The following TUBA4B variants were observed in gnomAD, a reference collection of about 807,000 sequenced individuals.
The protein encoded by TUBA4B is tubulin alpha 4b.
In TUBA4B, 13 loss-of-function variants were observed where a neutral mutation model predicts 18.4. That is an observed-to-expected ratio of 0.71 (90% confidence interval 0.46 to 1.12). The LOEUF (loss-of-function observed/expected upper bound fraction) is 1.12, where lower values mean the gene tolerates loss of function less well. TUBA4B is among the 50% of genes most tolerant of loss of function. The pLI, the probability that TUBA4B is intolerant of heterozygous loss-of-function variation, is 0.00. For synonymous variants in TUBA4B, 101 were observed against 99.1 expected, an observed-to-expected ratio of 1.02 and a Z score of -0.11; for missense variants, 244 against 250.0, an observed-to-expected ratio of 0.98 and a Z score of 0.16.
intron 1 of TUBA4B, among the ~76,000 whole-genome samples, chr2:219,259,401 TTG>T (rs1320090991): frequency 2.8e-5 from 4 of 143,786 alleles, no homozygotes; most frequent in Admixed American, 1.3e-4. Context: ...GTGTGTGTGT[TTG>T]TGTGTGTGTG....
rs764691288 is a variant in TUBA4B at position 219,253,440 on chromosome 2, T to C, written c.12+21T>C. The C allele has an allele frequency of 2.7e-5, 41 of 1,495,334 alleles. No homozygotes were observed. In the African/African-American group the frequency reaches 5.1e-4, roughly 19 times the overall value. The allele number at this position is 1,495,334 out of a possible 1,614,324, so 92.6% of individuals were successfully genotyped here. On this transcript the variant is annotated intron_variant, in intron 1 of 3. Transcript: ENST00000490341. ...ACCAGGTAACCTGACCCCTTCCACC[T>C]TCTAGCGCCAAGCACGTGCTCGGTC...
chr2:219,266,859 TG>T (rs1322381415), intron 2 of TUBA4B, among the ~76,000 whole-genome samples: 1 of 151,644 alleles, frequency 6.6e-6, no homozygotes, highest in African/African-American at 2.4e-5. Flanking sequence ...GTGGGGAGTG[TG>T]GGGGAAGCAG....
chr2:219,255,403 T>C (rs555759806), intron 1 of TUBA4B, among the ~76,000 whole-genome samples: 1 of 152,286 alleles, frequency 6.6e-6, no homozygotes, highest in Non-Finnish European at 1.5e-5. Flanking sequence ...TGGATGATTT[T>C]TGTATTTTTA....
intron 2 of TUBA4B, among the ~76,000 whole-genome samples, chr2:219,269,309 A>C (rs985011201): frequency 3.9e-5 from 6 of 152,220 alleles, no homozygotes; most frequent in African/African-American, 1.4e-4. Flanking sequence ...TGGTGGGTAG[A>C]TTATCTTGCA....
intron 1 of TUBA4B, among the ~76,000 whole-genome samples, chr2:219,257,043 CTTTTT>C (rs368841707): frequency 1.9e-5 from 2 of 107,586 alleles, no homozygotes; most frequent in East Asian, 2.9e-4. Context: ...CCCATTTTGG[CTTTTT>C]TTTTTTTTTT....
intron 1 of TUBA4B, 35 bp downstream of exon 1, chr2:219,253,454 A>C: frequency 6.8e-7 from 1 of 1,461,058 alleles, no homozygotes; most frequent in Non-Finnish European, 9.3e-7. Context: ...AGCGCCAAGC[A>C]CGTGCTCGGT....
intron 1 of TUBA4B, among the ~76,000 whole-genome samples, chr2:219,256,248 A>C (rs766565667): frequency 6.6e-6 from 1 of 152,254 alleles, no homozygotes; most frequent in Non-Finnish European, 1.5e-5. Context: ...ATGAATTTAG[A>C]GATGTACATA....
At chr2:219,257,447 C>T (rs1267858191) in intron 1 of TUBA4B, among the ~76,000 whole-genome samples, 3 of 148,094 alleles carry the variant, frequency 2.0e-5, no homozygotes, top group Non-Finnish European at 4.5e-5. Flanking sequence ...TCAAGACCAG[C>T]CTGACCAACA....
intron 1 of TUBA4B, among the ~76,000 whole-genome samples, chr2:219,257,137 G>A (rs552912159): frequency 2.1e-5 from 3 of 140,686 alleles, no homozygotes; most frequent in Admixed American, 7.7e-5. Flanking sequence ...TCCACCTCCC[G>A]GGTTCAAGCA....
chr2:219,270,161 G>A, intron 2 of TUBA4B, 41 bp from the exon 3 acceptor site: 1 of 701,554 alleles, frequency 1.4e-6, no homozygotes, highest in Non-Finnish European at 2.6e-6. Context: ...AAAGGGAGGT[G>A]GGGCCCAAAA....
intron 2 of TUBA4B, among the ~76,000 whole-genome samples, chr2:219,268,619 C>G (rs991159876): frequency 1.3e-5 from 2 of 152,028 alleles, no homozygotes; most frequent in Non-Finnish European, 2.9e-5. Flanking sequence ...TTGCTCAAGA[C>G]AAGTAGAGAA....
chr2:219,253,354 C>G lies in TUBA4B; in HGVS notation c.-54C>G, dbSNP rs1192818040. ...AGCTCAGACGCGGGGTGCTGAGTCA[C>G]GGGGGGGGGGTGGTTCTGTGGATAG... On this transcript the variant is annotated 5_prime_UTR_variant, in exon 1 of 4. Coordinates refer to ENST00000490341, the MANE Select transcript of TUBA4B (RefSeq NM_001355221.1). 7.7e-6 allele frequency: 10 copies of G among 1,302,716 alleles called. No homozygotes were observed. Among genetic ancestry groups the G allele is most frequent in the South Asian group, 2.7e-5 (2 of 73,030 alleles). The allele number at this position is 1,302,716 out of a possible 1,614,324, so 80.7% of individuals were successfully genotyped here. A position where few individuals can be genotyped will look rare whatever the true frequency, so the allele number is the denominator to read the frequency against.
chr2:219,269,391 G>T (rs1951811160), intron 2 of TUBA4B, among the ~76,000 whole-genome samples: 1 of 152,102 alleles, frequency 6.6e-6, no homozygotes, highest in Non-Finnish European at 1.5e-5. Flanking sequence ...ATAATCTCAG[G>T]ACTGCCCGCA....
Position 219,271,662 on chromosome 2 carries a change from T to C in TUBA4B, c.689T>C (p.Leu230Ser), listed in dbSNP as rs533362502. Reference sequence around the variant, plus strand: ...ACGAGCAGCTGTTGGTGGCAGAGATTACCAATGCCTGCTTTGAGCCTGCCA... The same window carrying C: ...ACGAGCAGCTGTTGGTGGCAGAGATCACCAATGCCTGCTTTGAGCCTGCCA... ...YTTSSCWWQRLPMPALSLPTR... is the reference protein window; with the variant it reads ...YTTSSCWWQRSPMPALSLPTR... Residue 230 changes from leucine (L) to serine (S), a missense_variant, in exon 4 of 4, where the codon TTA becomes TCA. Leu to Ser is a moderately radical substitution (Grantham distance 145, BLOSUM62 -2). Transcript: ENST00000490341. 134 of 1,613,788 alleles carry C rather than the reference T, an allele frequency of 8.3e-5. No individual in the cohort carries two copies. The highest frequency in any genetic ancestry group is 1.7e-4 in the Admixed American group (10 of 60,026).
intron 1 of TUBA4B, among the ~76,000 whole-genome samples, chr2:219,264,089 C>A (rs557764701): frequency 2.6e-5 from 4 of 152,128 alleles, no homozygotes; most frequent in Non-Finnish European, 5.9e-5. Context: ...TAGTACTGAA[C>A]CTTATGTACT....
At chr2:219,260,522 T>C (rs6723310) in intron 1 of TUBA4B, among the ~76,000 whole-genome samples, 11,557 of 152,224 alleles carry the variant, frequency 0.076, 1,103 homozygotes, top group African/African-American at 0.22. Flanking sequence ...GACTAATTGC[T>C]TTCTTGACAT....
chr2:219,268,576 A>G (rs1951805967), intron 2 of TUBA4B, among the ~76,000 whole-genome samples: 1 of 152,194 alleles, frequency 6.6e-6, no homozygotes. Context: ...TCTACATTTC[A>G]AAAGGAGAAC....
chr2:219,260,188 G>T (rs906486428), intron 1 of TUBA4B, among the ~76,000 whole-genome samples: 1 of 151,920 alleles, frequency 6.6e-6, no homozygotes, highest in Non-Finnish European at 1.5e-5. Context: ...CCAGTCTCAG[G>T]TTCTCTTATT....
chr2:219,257,606 C>T (rs191238905), intron 1 of TUBA4B, among the ~76,000 whole-genome samples: 32 of 134,318 alleles, frequency 2.4e-4, no homozygotes, highest in African/African-American at 8.7e-4. Context: ...TGCACCATTG[C>T]ACTCCAGCCT....
Sources: gnomAD v4.1 joint callset for allele counts (sites outside exome capture counted in the v4.1 genomes callset) on GRCh38, gnomAD v4.1.1 for gene constraint, MANE v1.5 for transcripts, NCBI Gene and HGNC (gene_info 2026-07-23, HGNC 2026-07-21) for gene names.